CENPL: variants seen among roughly 807,000 people sequenced by gnomAD.
The protein encoded by CENPL is centromere protein L.
Under a neutral mutation model 35.2 loss-of-function variants are expected in CENPL, and 20 were observed. The ratio of observed to expected loss-of-function variants is 0.57; its 90% CI spans 0.40 to 0.83. CENPL has a LOEUF of 0.83. Among genes scored for constraint, CENPL ranks in the 40% least tolerant of loss-of-function variants. CENPL has a pLI of 0.00. For missense variants in CENPL, 363 were observed against 395.8 expected, an observed-to-expected ratio of 0.92 and a Z score of 0.70; for synonymous variants, 140 against 140.6, an observed-to-expected ratio of 1.00 and a Z score of 0.03.
intron 2 of CENPL, among the ~76,000 whole-genome samples, chr1:173,820,003 C>T (rs902938748): frequency 6.6e-6 from 1 of 152,042 alleles, no homozygotes; most frequent in Non-Finnish European, 1.5e-5. Context: ...GCACTCGGCC[C>T]ATATTTAAAT....
chr1:173,811,386 TA>T, intron 2 of CENPL, 80 bp from the exon 3 acceptor site: 1 of 947,624 alleles, frequency 1.1e-6, no homozygotes, highest in South Asian at 1.8e-5. Context: ...TTCCTCACTC[TA>T]AAGGAATCCT....
At chr1:173,809,871 TGAGGTTGTG>T (rs1455210185) in intron 3 of CENPL, among the ~76,000 whole-genome samples, 1 of 151,804 alleles carries the variant, frequency 6.6e-6, no homozygotes, top group African/African-American at 2.4e-5. Context: ...CAGATGCTGG[TGAGGTTGTG>T]GAGAAAAAGG....
chr1:173,801,163 G>C (rs1003762108), intron 5 of CENPL, among the ~76,000 whole-genome samples: 2 of 151,998 alleles, frequency 1.3e-5, no homozygotes, highest in Admixed American at 1.3e-4. Context: ...AATCTATCTT[G>C]CTTGTCATTT....
chr1:173,823,724 T>C (rs960375023), intron 2 of CENPL: 1 of 152,178 alleles, frequency 6.6e-6, no homozygotes, highest in South Asian at 2.1e-4. Context: ...TTGTGATTAG[T>C]CCGTGAAGGG....
Position 173,803,208 on chromosome 1 carries a change from G to T in CENPL, c.718C>A (p.Leu240Ile), listed in dbSNP as rs2102563438. The change falls in exon 5 of 6, where the codon CTT (leucine) becomes ATT (isoleucine). Residue 240 changes from leucine (L) to isoleucine (I), a missense_variant. By Grantham distance (5) the Leu-to-Ile change is conservative. Transcript: ENST00000682279. ...MDHYVATTEF[L>I]WSVPCSPQSL... ...TGAGGGCTACAGGGTACAGACCAAA[G>T]AAATTCAGTAGTAGCCACATAATGG... 1 of 1,613,960 alleles carries T rather than the reference G, an allele frequency of 6.2e-7. No homozygotes were observed. Among genetic ancestry groups the T allele is most frequent in the East Asian group, 2.2e-5 (1 of 44,886 alleles).
intron 3 of CENPL, among the ~76,000 whole-genome samples, chr1:173,810,622 TTAAAAA>T (rs778657041): frequency 6.6e-6 from 1 of 152,110 alleles, no homozygotes; most frequent in Non-Finnish European, 1.5e-5. Flanking sequence ...GAAAATTACT[TTAAAAA>T]TAAATAAACA....
intron 2 of CENPL, among the ~76,000 whole-genome samples, chr1:173,812,975 C>A (rs1169944088): frequency 6.6e-6 from 1 of 152,154 alleles, no homozygotes; most frequent in African/African-American, 2.4e-5. Flanking sequence ...TAGAGAAGAA[C>A]TTAAATGACC....
chr1:173,805,559 G>GA (rs529210082), intron 4 of CENPL, among the ~76,000 whole-genome samples: 21 of 150,292 alleles, frequency 1.4e-4, no homozygotes, highest in Non-Finnish European at 2.2e-4. Flanking sequence ...AGTACTCACT[G>GA]AAAAAAAAGT....
rs1225572778 is a variant in CENPL at position 173,811,069 on chromosome 1, G to A, written c.168+63C>T. Reference sequence around the variant, plus strand: ...TAAGAATACTATAGTTACAAAAATTGAAATGTTTTGTTCACAGATATTCTC... The same window carrying A: ...TAAGAATACTATAGTTACAAAAATTAAAATGTTTTGTTCACAGATATTCTC... On this transcript the variant is annotated intron_variant, in intron 3 of 5. Coordinates refer to ENST00000682279, the MANE Select transcript of CENPL (RefSeq NM_001387287.1). The A allele has an allele frequency of 2.1e-6, 3 of 1,461,732 alleles. No homozygotes were observed. The Middle Eastern group carries it at 7.0e-4, about 343-fold the overall frequency. The allele number at this position is 1,461,732 out of a possible 1,614,324, so 90.5% of individuals were successfully genotyped here.
At chr1:173,817,780 T>G (rs1651549695) in intron 2 of CENPL, among the ~76,000 whole-genome samples, 1 of 152,100 alleles carries the variant, frequency 6.6e-6, no homozygotes, top group Admixed American at 6.5e-5. Flanking sequence ...ATAGACTGGA[T>G]TAAGAAAATG....
intron 2 of CENPL, among the ~76,000 whole-genome samples, chr1:173,814,953 A>C (rs747213619): frequency 1.3e-5 from 2 of 152,212 alleles, no homozygotes; most frequent in Non-Finnish European, 2.9e-5. Context: ...ACTAATAAAG[A>C]AGAAAAGAGA....
intron 4 of CENPL, among the ~76,000 whole-genome samples, chr1:173,804,657 C>T (rs895848495): frequency 2.0e-5 from 3 of 152,148 alleles, no homozygotes; most frequent in Non-Finnish European, 4.4e-5. Flanking sequence ...GTAAATCTCT[C>T]CCAACTTATA....
At chr1:173,819,869 G>GTT (rs79692984) in intron 2 of CENPL, among the ~76,000 whole-genome samples, 1 of 143,968 alleles carries the variant, frequency 6.9e-6, no homozygotes, top group African/African-American at 2.6e-5. Flanking sequence ...TTTTTTGTTT[G>GTT]TTTTTTTTTT....
intron 4 of CENPL, among the ~76,000 whole-genome samples, chr1:173,803,815 G>A (rs1189399677): frequency 6.6e-6 from 1 of 152,078 alleles, no homozygotes; most frequent in Non-Finnish European, 1.5e-5. Flanking sequence ...GGGATTACAG[G>A]CATGCACCAC....
intron 2 of CENPL, among the ~76,000 whole-genome samples, chr1:173,819,754 C>T (rs1370744240): frequency 2.6e-5 from 4 of 151,990 alleles, no homozygotes; most frequent in East Asian, 1.9e-4. Flanking sequence ...TGCAATGGCG[C>T]GATCTCGGCT....
chr1:173,807,128 A>G, intron 4 of CENPL, 139 bp downstream of exon 4: 1 of 650,114 alleles, frequency 1.5e-6, no homozygotes, highest in Non-Finnish European at 2.3e-6. Flanking sequence ...GTTTTTAAAA[A>G]TAAACATGAT....
At chr1:173,816,210 C>T (rs1227491306) in intron 2 of CENPL, among the ~76,000 whole-genome samples, 1 of 152,152 alleles carries the variant, frequency 6.6e-6, no homozygotes, top group Non-Finnish European at 1.5e-5. Flanking sequence ...AAGAACATTC[C>T]ATGCTCATGG....
chr1:173,819,160 G>A (rs1293975201), intron 2 of CENPL, among the ~76,000 whole-genome samples: 1 of 152,076 alleles, frequency 6.6e-6, no homozygotes, highest in Non-Finnish European at 1.5e-5. Context: ...CATGAGCCCA[G>A]GAGGTCAAGG....
In CENPL at chr1:173,815,717, C is replaced by G. The variant is rs1199539263; in HGVS notation, c.-7-4411G>C. Among the ~76,000 whole-genome samples, 4 of 152,208 alleles carry G rather than the reference C, an allele frequency of 2.6e-5. No homozygotes were observed. The East Asian group carries it at 5.8e-4, about 22-fold the overall frequency. ...TAATAAAAGCTATTTATGACAAACCCACCGCCAATATCATACTGAATGGGC... is the reference window on the plus strand; with the variant it reads ...TAATAAAAGCTATTTATGACAAACCGACCGCCAATATCATACTGAATGGGC... On this transcript the variant is annotated intron_variant, in intron 2 of 5. Coordinates refer to ENST00000682279, the MANE Select transcript of CENPL (RefSeq NM_001387287.1).
Sources: gnomAD v4.1 joint callset for allele counts (sites outside exome capture counted in the v4.1 genomes callset) on GRCh38, gnomAD v4.1.1 for gene constraint, MANE v1.5 for transcripts, NCBI Gene and HGNC (gene_info 2026-07-23, HGNC 2026-07-21) for gene names.